The following PRUNE2 variants were observed in gnomAD, a reference collection of about 807,000 sequenced individuals.
The protein encoded by PRUNE2 is protein prune homolog 2.
A neutral mutation model predicts 252.0 loss-of-function variants in PRUNE2; 164 were observed. The ratio of observed to expected loss-of-function variants is 0.65; its 90% confidence interval spans 0.57 to 0.74. PRUNE2 has a LOEUF of 0.74. PRUNE2 is among the 30% of genes least tolerant of loss of function. PRUNE2 has a pLI of 0.00. For synonymous variants in PRUNE2, 1,292 were observed against 1,350.2 expected (o/e 0.96, Z 0.94); for missense variants, 3,495 against 3,711.0 (o/e 0.94, Z 1.51).
chr9:76,766,733 T>G (rs1177799951), intron 6 of PRUNE2, among the ~76,000 whole-genome samples: 16 of 150,554 alleles, frequency 1.1e-4, no homozygotes, highest in Admixed American at 1.1e-3. Flanking sequence ...GATTTGCCAT[T>G]TCTTCAGCCT....
chr9:76,777,553 A>G (rs2053935195), intron 6 of PRUNE2, among the ~76,000 whole-genome samples: 1 of 152,204 alleles, frequency 6.6e-6, no homozygotes, highest in Non-Finnish European at 1.5e-5. Flanking sequence ...TCAATTCAAT[A>G]AATATTTGTT....
chr9:76,615,994 T>G (rs1829443083), intron 18 of PRUNE2, among the ~76,000 whole-genome samples: 1 of 152,080 alleles, frequency 6.6e-6, no homozygotes, highest in Non-Finnish European at 1.5e-5. Flanking sequence ...GATCTCGATC[T>G]CTTGACCTCG....
At chr9:76,650,323 C>A (rs944086202) in intron 11 of PRUNE2, among the ~76,000 whole-genome samples, 2 of 148,334 alleles carry the variant, frequency 1.3e-5, no homozygotes, top group Admixed American at 6.7e-5. Context: ...AATATATACA[C>A]GAAAAATATA....
chr9:76,867,328 G>GA (rs750906171), intron 1 of PRUNE2, among the ~76,000 whole-genome samples: 2 of 150,868 alleles, frequency 1.3e-5, no homozygotes, highest in East Asian at 3.9e-4. Flanking sequence ...ACCCAACAAA[G>GA]AAAAAACGAA....
chr9:76,720,566 A>G (rs913304337), intron 6 of PRUNE2, among the ~76,000 whole-genome samples: 1 of 152,242 alleles, frequency 6.6e-6, no homozygotes, highest in Non-Finnish European at 1.5e-5. Flanking sequence ...GACATATAGT[A>G]GACAATAAAT....
At chr9:76,654,084 T>G (rs1450354360) in intron 10 of PRUNE2, among the ~76,000 whole-genome samples, 1 of 152,158 alleles carries the variant, frequency 6.6e-6, no homozygotes, top group African/African-American at 2.4e-5. Flanking sequence ...GGACACCCAG[T>G]TGGTGTTCAT....
chr9:76,781,046 T>C (rs2054335557), intron 6 of PRUNE2, among the ~76,000 whole-genome samples: 1 of 152,204 alleles, frequency 6.6e-6, no homozygotes, highest in Non-Finnish European at 1.5e-5. Context: ...TATTGGTTAT[T>C]ACTTAAATAA....
Position 76,703,958 on chromosome 9 carries a change from A to G in PRUNE2, c.7655T>C (p.Leu2552Pro). 2 of 1,613,938 alleles carry G rather than the reference A, an allele frequency of 1.2e-6. No individual in the cohort carries two copies. Among genetic ancestry groups the G allele is most frequent in the Non-Finnish European group, 1.7e-6 (2 of 1,179,850 alleles). Residue 2552 changes from leucine to proline, a missense_variant, in exon 9 of 19, where the codon CTT becomes CCT. Leu to Pro is a moderately conservative substitution (Grantham distance 98). Transcript: ENST00000376718. ...GTGTGAATTTTCTTCACGGTTTACA[A>G]GTATGTAATCCATGTGTAGTGCATG... ...DRHALHMDYI[L>P]VNREENSHSK...
chr9:76,677,037 A>G (rs1419888402), intron 9 of PRUNE2, among the ~76,000 whole-genome samples: 1 of 152,220 alleles, frequency 6.6e-6, no homozygotes, highest in Non-Finnish European at 1.5e-5. Flanking sequence ...AATAAGACAC[A>G]CCTGCTTCTC....
rs1380640620 is a variant in PRUNE2 at position 76,706,448 on chromosome 9, C to T, written c.5826G>A (p.Val1942=). Residue 1942 remains valine, a synonymous_variant, in exon 8 of 19, where the codon GTG becomes GTA. Coordinates refer to ENST00000376718, the MANE Select transcript of PRUNE2 (RefSeq NM_015225.3). ...GAGTCAGCTCATCACCAGCAGCAGA[C>T]ACAAAGGTTTGCTCTCTTGAGTCCT... is the stretch of plus-strand genomic sequence containing the variant. ...KEKDSREQTF[V]SAAGDELTPE... is the part of the protein sequence containing the mutation. 3.7e-6 allele frequency: 6 copies of T among 1,614,012 alleles called. No individual in the cohort carries two copies. The highest frequency in any genetic ancestry group is 5.1e-6 in the Non-Finnish European group (6 of 1,179,890).
chr9:76,807,608 A>G (rs370984080), intron 6 of PRUNE2, among the ~76,000 whole-genome samples: 50 of 152,334 alleles, frequency 3.3e-4, no homozygotes, highest in Admixed American at 1.1e-3. Context: ...TCTCTTGAGC[A>G]TCCATTTCAT....
chr9:76,868,866 C>A (rs963603511), intron 1 of PRUNE2: 1 of 144,660 alleles, frequency 6.9e-6, no homozygotes. Flanking sequence ...GAAGGAAAGG[C>A]TTCTGCCGCT....
At chr9:76,844,066 GC>G (rs1057460573) in intron 4 of PRUNE2, among the ~76,000 whole-genome samples, 47 of 152,128 alleles carry the variant, frequency 3.1e-4, no homozygotes, top group African/African-American at 1.1e-3. Context: ...CAATTCAGGA[GC>G]TTTTAAAAAT....
intron 6 of PRUNE2, among the ~76,000 whole-genome samples, chr9:76,792,458 A>G (rs181446936): frequency 5.1e-4 from 77 of 152,306 alleles, no homozygotes; most frequent in Non-Finnish European, 7.8e-4. Context: ...GGTCAGGACT[A>G]AAGTCTCACA....
chr9:76,742,259 G>T (rs762671095), intron 6 of PRUNE2, among the ~76,000 whole-genome samples: 3 of 152,112 alleles, frequency 2.0e-5, no homozygotes, highest in Non-Finnish European at 2.9e-5. Context: ...AAAATTATCT[G>T]CAGTACTTAT....
chr9:76,733,202 C>A (rs1273298258), intron 6 of PRUNE2, among the ~76,000 whole-genome samples: 1 of 152,112 alleles, frequency 6.6e-6, no homozygotes, highest in Non-Finnish European at 1.5e-5. Flanking sequence ...TACAGCACTG[C>A]CCCAACATCA....
chr9:76,725,020 C>A (rs1301015403), intron 6 of PRUNE2, among the ~76,000 whole-genome samples: 1 of 152,074 alleles, frequency 6.6e-6, no homozygotes, highest in African/African-American at 2.4e-5. Context: ...TGAATGATTT[C>A]TATAATTATG....
At chr9:76,777,251 G>T (rs1280125498) in intron 6 of PRUNE2, among the ~76,000 whole-genome samples, 1 of 152,180 alleles carries the variant, frequency 6.6e-6, no homozygotes, top group Non-Finnish European at 1.5e-5. Flanking sequence ...TAGGAGAGGG[G>T]TGCCAACCTC....
intron 1 of PRUNE2, among the ~76,000 whole-genome samples, chr9:76,889,674 A>G (rs1484594483): frequency 2.0e-5 from 3 of 152,148 alleles, no homozygotes; most frequent in African/African-American, 4.8e-5. Context: ...TACAGTAGCA[A>G]CAGACGCGGC....
Sources: allele counts gnomAD v4.1 joint callset (sites outside exome capture counted in the v4.1 genomes callset), GRCh38; gene constraint gnomAD v4.1.1; transcripts MANE v1.5; gene names NCBI Gene and HGNC (gene_info 2026-07-23, HGNC 2026-07-21).